NPY: variants seen among roughly 807,000 people sequenced by gnomAD.
The protein encoded by NPY is pro-neuropeptide Y.
In NPY, 11 loss-of-function variants were observed where a neutral mutation model predicts 13.2. That is an observed-to-expected ratio of 0.83 (90% CI 0.52 to 1.38). NPY has a LOEUF of 1.38. Among genes scored for constraint, NPY ranks in the 40% most tolerant of loss-of-function variants. The pLI is 0.00. For missense variants in NPY, 109 were observed against 125.1 expected (o/e 0.87, Z 0.61); for synonymous variants, 51 against 55.6 (o/e 0.92, Z 0.37).
At chr7:24,287,278 T>A (rs1787426961) in intron 2 of NPY, among the ~76,000 whole-genome samples, 1 of 152,184 alleles carries the variant, frequency 6.6e-6, no homozygotes, top group East Asian at 1.9e-4. Context: ...CTCATCTTTG[T>A]ATAAACTCCT....
chr7:24,291,207 T>C (rs1271498185), intron 3 of NPY, among the ~76,000 whole-genome samples: 1 of 152,116 alleles, frequency 6.6e-6, no homozygotes. Flanking sequence ...GGTCTTGAAG[T>C]TGCCTATGAG....
At position 24,291,442 on chromosome 7, in the gene NPY, C is replaced by T. The variant is rs570176451; in HGVS notation, c.270-221C>T. On this transcript the variant is annotated intron_variant, in intron 3 of 3. Transcript: ENST00000242152. ...TGCTCTCTCTGATGTTTGCCCAAGA[C>T]GCCTGTCAACATCGTGGAATGCTGC... Among the ~76,000 whole-genome samples the T allele has an allele frequency of 7.2e-5, 11 of 152,266 alleles. No individual in the cohort carries two copies. The South Asian group carries it at 1.5e-3, about 20-fold the overall frequency.
At position 24,288,719 on chromosome 7, in the gene NPY, C is replaced by A. The variant is rs575193540; in HGVS notation, c.189-780C>A. ...AAAAAAAAAAAAAAAAGAACATTTC[C>A]ATGGATCAGTTAGATTCCTTTAGAC... On this transcript the variant is annotated intron_variant, in intron 2 of 3. Coordinates refer to ENST00000242152, the MANE Select transcript of NPY (RefSeq NM_000905.4). 1.8e-3 allele frequency among the ~76,000 whole-genome samples: 266 copies of A among 150,370 alleles called. 1 individual carries two copies. Among genetic ancestry groups the A allele is most frequent in the Middle Eastern group, 0.014 (4 of 286 alleles).
chr7:24,285,799 A>G lies in NPY; in HGVS notation c.188+371A>G, dbSNP rs1007909703. On this transcript the variant is annotated intron_variant, in intron 2 of 3. Transcript: ENST00000242152. The surrounding 1 kb of genome is among the most constrained non-coding windows in gnomAD (Gnocchi z 4.9). ...CAAGAATGCGCCAGAGAAATGCTGT[A>G]GGGGGAAACGCTAGCAAGGTGTCTA... Among the ~76,000 whole-genome samples, 1 of 152,138 alleles carries G rather than the reference A, an allele frequency of 6.6e-6. No homozygotes were observed. The highest frequency in any genetic ancestry group is 6.5e-5 in the Admixed American group (1 of 15,282).
intron 2 of NPY, among the ~76,000 whole-genome samples, chr7:24,288,510 C>G (rs1372500658): frequency 6.6e-6 from 1 of 151,994 alleles, no homozygotes; most frequent in East Asian, 1.9e-4. Context: ...AACAAAGTGG[C>G]GAATGGTGTC....
Position 24,286,289 on chromosome 7 carries a change from A to G in NPY, c.188+861A>G, listed in dbSNP as rs141058160. Reference sequence around the variant, plus strand: ...TTAAGGGAAAAATCAAATCCAAACTATTTTACAAATTACATAGGATTTAAA... The same window carrying G: ...TTAAGGGAAAAATCAAATCCAAACTGTTTTACAAATTACATAGGATTTAAA... On this transcript the variant is annotated intron_variant, in intron 2 of 3. Coordinates refer to ENST00000242152, the MANE Select transcript of NPY (RefSeq NM_000905.4). 2.8e-3 allele frequency among the ~76,000 whole-genome samples: 418 copies of G among 147,014 alleles called. 3 individuals carry two copies. Among genetic ancestry groups the G allele is most frequent in the African/African-American group, 0.011 (399 of 36,506 alleles).
intron 3 of NPY, among the ~76,000 whole-genome samples, chr7:24,290,643 G>A (rs1049124158): frequency 1.2e-4 from 18 of 152,002 alleles, no homozygotes; most frequent in African/African-American, 3.9e-4. Flanking sequence ...AGGGAACAAC[G>A]ATTTGAACTG....
chr7:24,285,309 T>A lies in NPY; in HGVS notation c.69T>A (p.Gly23=), dbSNP rs1273202130. 2 of 1,613,928 alleles carry A rather than the reference T, an allele frequency of 1.2e-6. No individual in the cohort carries two copies. The highest frequency in any genetic ancestry group is 1.7e-6 in the Non-Finnish European group (2 of 1,179,998). Residue 23 remains glycine, a synonymous_variant, in exon 2 of 4, where the codon GGT becomes GGA. Transcript: ENST00000242152. The surrounding 1 kb of genome is among the most constrained non-coding windows in gnomAD (Gnocchi z 4.9). ...TLALSLLVCL[G]ALAEAYPSKP... Reference sequence around the variant, plus strand: ...CCCTGTCCCTGCTCGTGTGCCTGGGTGCGCTGGCCGAGGCGTACCCCTCCA... The same window carrying A: ...CCCTGTCCCTGCTCGTGTGCCTGGGAGCGCTGGCCGAGGCGTACCCCTCCA...
chr7:24,290,775 A>AATAATAATTATTATTATTATTATT lies in NPY; in HGVS notation c.270-886_270-885insAATAATTATTATTATTATTATTAT, dbSNP rs10701264. Among the ~76,000 whole-genome samples, 654 of 129,618 alleles carry AATAATAATTATTATTATTATTATT rather than the reference A, an allele frequency of 5.0e-3. 1 individual carries two copies. Among genetic ancestry groups the AATAATAATTATTATTATTATTATT allele is most frequent in the African/African-American group, 9.6e-3 (331 of 34,518 alleles). The allele number at this position is 129,618 out of a possible 152,430, so 85.0% of individuals were successfully genotyped here. A position where few individuals can be genotyped will look rare whatever the true frequency, so the allele number is the denominator to read the frequency against. On this transcript the variant is annotated intron_variant, in intron 3 of 3. Coordinates refer to ENST00000242152, the MANE Select transcript of NPY (RefSeq NM_000905.4). ...TTTTTAATTAAATAATAATAATAATAATTATTATTATTATTCAGAGACAAG... is the reference window on the plus strand; with the variant it reads ...TTTTTAATTAAATAATAATAATAATAATAATAATTATTATTATTATTATTATTATTATTATTATTCAGAGACAAG...
rs528398063 is a variant in NPY at position 24,284,883 on chromosome 7, T to C, written c.1-358T>C. 1.7e-4 allele frequency: 59 copies of C among 347,010 alleles called. 1 individual carries two copies. The South Asian group carries it at 1.8e-3, about 11-fold the overall frequency. The allele number at this position is 347,010 out of a possible 1,614,324, so 21.5% of individuals were successfully genotyped here. On this transcript the variant is annotated intron_variant, in intron 1 of 3. Coordinates refer to ENST00000242152, the MANE Select transcript of NPY (RefSeq NM_000905.4). ...GAAACTTTTCTTCCCAGACAAGAGT[T>C]TGGGCAAGAAGGGAGAAAAGTGACC... is the stretch of plus-strand genomic sequence containing the variant.
chr7:24,285,433 G>C lies in NPY; in HGVS notation c.188+5G>C. On this transcript the variant is annotated splice_donor_5th_base_variant and intron_variant, in intron 2 of 3. Transcript: ENST00000242152. This position sits in a 1 kb window ranked among gnomAD's most constrained non-coding sequence, Gnocchi z 4.9. ...CAACCTCATCACCAGGCAGAGGTGGGTGGGACCGCGGGACCGATTCCGGGA... is the reference window on the plus strand; with the variant it reads ...CAACCTCATCACCAGGCAGAGGTGGCTGGGACCGCGGGACCGATTCCGGGA... 6.2e-7 allele frequency: 1 copy of C among 1,608,326 alleles called. No homozygotes were observed.
intron 1 of NPY, chr7:24,284,914 G>A: frequency 7.0e-6 from 3 of 426,876 alleles, no homozygotes; most frequent in Non-Finnish European, 1.3e-5. Context: ...TGACCCAGCA[G>A]GAAGAACTTC....
At position 24,285,351 on chromosome 7, in the gene NPY, C is replaced by A. The variant is rs749964546; in HGVS notation, c.111C>A (p.Gly37=). The change falls in exon 2 of 4, where the codon GGC becomes GGA. Residue 37 remains glycine, a synonymous_variant. Coordinates refer to ENST00000242152, the MANE Select transcript of NPY (RefSeq NM_000905.4). The surrounding 1 kb of genome is among the most constrained non-coding windows in gnomAD (Gnocchi z 4.9). ...EAYPSKPDNP[G]EDAPAEDMAR... is the part of the protein sequence containing the mutation. ...ACCCCTCCAAGCCGGACAACCCGGG[C>A]GAGGACGCACCAGCGGAGGACATGG... The A allele has an allele frequency of 6.2e-7, 1 of 1,614,040 alleles. No homozygotes were observed. Among genetic ancestry groups the A allele is most frequent in the South Asian group, 1.1e-5 (1 of 91,082 alleles).
At chr7:24,291,549 A>G (rs961036891) in intron 3 of NPY, 114 bp from the exon 4 acceptor site, 3 of 1,246,802 alleles carry the variant, frequency 2.4e-6, no homozygotes, top group East Asian at 2.3e-5. Context: ...CCAACAGGAA[A>G]CTTTTCAACA....
chr7:24,289,384 G>T, intron 2 of NPY, 115 bp from the exon 3 acceptor site: 1 of 491,448 alleles, frequency 2.0e-6, no homozygotes, highest in South Asian at 2.9e-5. Context: ...TGTTACAGAT[G>T]AACACCTGAC....
At chr7:24,291,638 A>G (rs1583578083) in intron 3 of NPY, 25 bp from the exon 4 acceptor site, 5 of 1,613,908 alleles carry the variant, frequency 3.1e-6, no homozygotes, top group East Asian at 2.2e-5. Flanking sequence ...CTTTCCTTAC[A>G]TGCTTTGCTT....
Position 24,291,674 on chromosome 7 carries a change from C to T in NPY, c.281C>T (p.Pro94Leu), listed in dbSNP as rs1356749107. The T allele has an allele frequency of 1.2e-6, 2 of 1,614,006 alleles. No individual in the cohort carries two copies. The highest frequency in any genetic ancestry group is 1.3e-5 in the African/African-American group (1 of 74,910). The part of the protein sequence containing the change: ...ENVPRTRLED[P>L]AMW ...CTTATGTTTTACAGGCTTGAAGACC[C>T]TGCAATGTGGTGATGGGAAATGAGA... The change falls in exon 4 of 4, where the codon CCT becomes CTT. Residue 94 changes from proline to leucine, a missense_variant. Pro to Leu is a moderately conservative substitution (Grantham distance 98, BLOSUM62 -3). Coordinates refer to ENST00000242152, the MANE Select transcript of NPY (RefSeq NM_000905.4).
chr7:24,287,688 C>T (rs1166293691), intron 2 of NPY, among the ~76,000 whole-genome samples: 2 of 152,062 alleles, frequency 1.3e-5, no homozygotes, highest in African/African-American at 2.4e-5. Context: ...GAGGTGGGCA[C>T]TGCTGGTACC....
intron 1 of NPY, chr7:24,284,974 G>T: frequency 1.8e-6 from 1 of 549,604 alleles, no homozygotes; most frequent in East Asian, 3.2e-5. Flanking sequence ...TTGCACTCTC[G>T]CCGCGCGCTT....
Sources: gnomAD v4.1 joint callset for allele counts (sites outside exome capture counted in the v4.1 genomes callset) on GRCh38, gnomAD v4.1.1 for gene constraint, Gnocchi (gnomAD v3.1) non-coding constraint, MANE v1.5 for transcripts, NCBI Gene and HGNC (gene_info 2026-07-23, HGNC 2026-07-21) for gene names.